The following CRPPA variants were observed in gnomAD, a reference collection of about 807,000 sequenced individuals.
The protein encoded by CRPPA is D-ribitol-5-phosphate cytidylyltransferase.
A neutral mutation model predicts 52.0 loss-of-function variants in CRPPA; 43 were observed. The observed-to-expected ratio is 0.83, with a 90% CI of 0.65 to 1.07. CRPPA has a LOEUF of 1.07. CRPPA is among the 50% of genes least tolerant of loss of function. CRPPA has a pLI of 0.00. For missense variants in CRPPA, 629 were observed against 551.7 expected (o/e 1.14, Z -1.40); for synonymous variants, 250 against 203.5 (o/e 1.23, Z -1.94).
intron 9 of CRPPA, among the ~76,000 whole-genome samples, chr7:16,092,049 C>CA (rs1781848477): frequency 1.3e-5 from 2 of 152,196 alleles, no homozygotes; most frequent in African/African-American, 4.8e-5. Flanking sequence ...CAAATGCTAA[C>CA]AGAAAGAAAA....
At chr7:16,244,034 G>C (rs149661361) in intron 8 of CRPPA, among the ~76,000 whole-genome samples, 1,714 of 152,160 alleles carry the variant, frequency 0.011, 37 homozygotes, top group African/African-American at 0.039. Context: ...ATGTCTACAA[G>C]ATTATACAAA....
chr7:16,358,758 AC>A, intron 3 of CRPPA, among the ~76,000 whole-genome samples: 1 of 152,322 alleles, frequency 6.6e-6, no homozygotes, highest in Non-Finnish European at 1.5e-5. Flanking sequence ...TCTGAAAAAA[AC>A]TGCTTTCTAC....
chr7:16,183,184 A>T (rs977973222), intron 9 of CRPPA, among the ~76,000 whole-genome samples: 24 of 152,196 alleles, frequency 1.6e-4, no homozygotes, highest in African/African-American at 5.8e-4. Flanking sequence ...AATGGCAAAA[A>T]CAATGCCAGC....
intron 3 of CRPPA, among the ~76,000 whole-genome samples, chr7:16,365,371 T>C (rs1482078465): frequency 6.6e-6 from 1 of 152,200 alleles, no homozygotes; most frequent in Non-Finnish European, 1.5e-5. Flanking sequence ...GTTTGTGAAA[T>C]AATGGCCAGA....
intron 1 of CRPPA, among the ~76,000 whole-genome samples, chr7:16,416,470 C>A (rs1215733698): frequency 1.3e-5 from 2 of 152,154 alleles, no homozygotes; most frequent in Admixed American, 6.5e-5. Context: ...GAAAGAATTT[C>A]TGACTAAGTC....
chr7:16,131,333 A>T (rs1782677164), intron 9 of CRPPA, among the ~76,000 whole-genome samples: 1 of 152,226 alleles, frequency 6.6e-6, no homozygotes, highest in Non-Finnish European at 1.5e-5. Context: ...TTACAGAATA[A>T]GTGTTCCTGA....
At chr7:16,206,778 CTG>C (rs1450066925) in intron 9 of CRPPA, among the ~76,000 whole-genome samples, 1 of 152,026 alleles carries the variant, frequency 6.6e-6, no homozygotes, top group Non-Finnish European at 1.5e-5. Context: ...TGTGAAACAT[CTG>C]TGTTTTTCCT....
At chr7:16,226,730 T>C (rs1365161322) in intron 8 of CRPPA, among the ~76,000 whole-genome samples, 1 of 151,898 alleles carries the variant, frequency 6.6e-6, no homozygotes, top group Admixed American at 6.6e-5. Context: ...CACAACGTGA[T>C]GTTCTGAAGC....
chr7:16,212,209 G>A (rs1397813936), intron 9 of CRPPA, among the ~76,000 whole-genome samples: 1 of 152,124 alleles, frequency 6.6e-6, no homozygotes, highest in Admixed American at 6.5e-5. Context: ...TGGCTTCTCC[G>A]TGGCTTGGTT....
At chr7:16,121,459 A>T (rs1782479254) in intron 9 of CRPPA, among the ~76,000 whole-genome samples, 1 of 152,078 alleles carries the variant, frequency 6.6e-6, no homozygotes, top group African/African-American at 2.4e-5. Context: ...ATACAGACTA[A>T]TGAGAGAATC....
rs2128424737 is a variant in CRPPA, at chr7:16,308,626, C to T, written c.686G>A (p.Cys229Tyr). The T allele has an allele frequency of 6.4e-7, 1 of 1,566,002 alleles. No individual in the cohort carries two copies. The highest frequency in any genetic ancestry group is 1.1e-5 in the South Asian group (1 of 88,614). ...FDVIYEAYQQ[C>Y]SDYDLEFGTE... Reference sequence around the variant, plus strand: ...TCCAAATTCCAAGTCATAGTCACTACACTGGTGTGGAAACAACAACAACAA... The same window carrying T: ...TCCAAATTCCAAGTCATAGTCACTATACTGGTGTGGAAACAACAACAACAA... The change falls in exon 4 of 10, where the codon TGT (cysteine) becomes TAT (tyrosine). Residue 229 changes from cysteine to tyrosine, a missense_variant and splice_region_variant. Cys to Tyr is a radical substitution (Grantham distance 194). Transcript: ENST00000407010.
chr7:16,137,876 T>C (rs567221074), intron 9 of CRPPA, among the ~76,000 whole-genome samples: 41 of 152,312 alleles, frequency 2.7e-4, no homozygotes, highest in African/African-American at 8.4e-4. Flanking sequence ...CAAACCATGA[T>C]GAATTGTACA....
At chr7:16,399,415 CA>C (rs1787729223) in intron 2 of CRPPA, among the ~76,000 whole-genome samples, 1 of 151,752 alleles carries the variant, frequency 6.6e-6, no homozygotes, top group African/African-American at 2.4e-5. Flanking sequence ...ACCTTTGTGA[CA>C]TGTGACAAGT....
chr7:16,208,606 C>T (rs1232597038), intron 9 of CRPPA, among the ~76,000 whole-genome samples: 1 of 152,156 alleles, frequency 6.6e-6, no homozygotes, highest in Non-Finnish European at 1.5e-5. Context: ...CATTAGCCGT[C>T]CTCTTCTCAA....
intron 3 of CRPPA, among the ~76,000 whole-genome samples, chr7:16,374,436 G>T (rs906066440): frequency 6.6e-6 from 1 of 151,994 alleles, no homozygotes; most frequent in African/African-American, 2.4e-5. Flanking sequence ...GCCTATTGTG[G>T]GACTTCACCT....
In CRPPA at chr7:16,132,702, T is replaced by C. The variant is rs1411929186; in HGVS notation, c.1252-40903A>G. Reference sequence around the variant, plus strand: ...TTAAAAAGGAAATTTACTGAAAATTTTTTTGGAGATTTGCAACAACTTGTA... The same window carrying C: ...TTAAAAAGGAAATTTACTGAAAATTCTTTTGGAGATTTGCAACAACTTGTA... On this transcript the variant is annotated intron_variant, in intron 9 of 9. Coordinates refer to ENST00000407010, the MANE Select transcript of CRPPA (RefSeq NM_001101426.4). Among the ~76,000 whole-genome samples, 3 of 124,854 alleles carry C rather than the reference T, an allele frequency of 2.4e-5. 1 individual carries two copies. Among genetic ancestry groups the C allele is most frequent in the Non-Finnish European group, 5.5e-5 (3 of 54,902 alleles). 81.9% of individuals were successfully genotyped at this position (124,854 alleles called of 152,430 possible). A position where few individuals can be genotyped will look rare whatever the true frequency, so the allele number is the denominator to read the frequency against.
At chr7:16,359,132 G>GT (rs1189998038) in intron 3 of CRPPA, among the ~76,000 whole-genome samples, 1 of 151,968 alleles carries the variant, frequency 6.6e-6, no homozygotes. Flanking sequence ...TTTGGTTTGT[G>GT]TTTTTTTGAG....
intron 3 of CRPPA, among the ~76,000 whole-genome samples, chr7:16,345,871 T>C (rs1003327992): frequency 1.3e-5 from 2 of 152,144 alleles, no homozygotes; most frequent in Admixed American, 1.3e-4. Flanking sequence ...TCCTCCAGAG[T>C]CCAAATGATT....
chr7:16,259,792 T>C (rs1394880775), intron 6 of CRPPA, among the ~76,000 whole-genome samples: 1 of 151,980 alleles, frequency 6.6e-6, no homozygotes, highest in Middle Eastern at 3.2e-3. Flanking sequence ...TGCTTTACAT[T>C]TCATAGTTCT....
Sources: allele counts gnomAD v4.1 joint callset (sites outside exome capture counted in the v4.1 genomes callset), GRCh38; gene constraint gnomAD v4.1.1; transcripts MANE v1.5; gene names NCBI Gene and HGNC (gene_info 2026-07-23, HGNC 2026-07-21).